The following MARCHF7 variants were observed in gnomAD, a reference collection of about 807,000 sequenced individuals.
MARCHF7 encodes the protein E3 ubiquitin-protein ligase MARCHF7.
In MARCHF7, 20 loss-of-function variants were observed where a neutral mutation model predicts 76.5. That is an observed-to-expected ratio of 0.26 (90% CI 0.18 to 0.38). The LOEUF (loss-of-function observed/expected upper bound fraction) is 0.38, where lower values mean the gene tolerates loss of function less well. Among genes scored for constraint, MARCHF7 ranks in the 10% least tolerant of loss-of-function variants. The pLI, the probability that MARCHF7 is intolerant of heterozygous loss-of-function variation, is 1.00. For missense variants in MARCHF7, 797 were observed against 812.9 expected, an observed-to-expected ratio of 0.98 and a Z score of 0.24; for synonymous variants, 295 against 293.0, an observed-to-expected ratio of 1.01 and a Z score of -0.07.
chr2:159,714,690 T>C (rs1325931533), intron 2 of MARCHF7, 92 bp downstream of exon 2: 2 of 152,512 alleles, frequency 1.3e-5, no homozygotes, highest in Non-Finnish European at 2.9e-5. Context: ...CCCGTCACTT[T>C]GGGAGGCCAA....
Position 159,745,869 on chromosome 2 carries a change from G to C in MARCHF7, c.446G>C (p.Arg149Thr). 1 of 1,612,678 alleles carries C rather than the reference G, an allele frequency of 6.2e-7. No homozygotes were observed. Among genetic ancestry groups the C allele is most frequent in the South Asian group, 1.1e-5 (1 of 90,992 alleles). The part of the protein sequence containing the change: ...LMRERRDLER[R>T]TDSSISNLMD... ...AGAGAGAGGAGAGATTTGGAGAGAA[G>C]AACAGATTCCTCTATTAGTAATCTT... The change falls in exon 6 of 12, where the codon AGA (arginine) becomes ACA (threonine). Residue 149 changes from arginine (R) to threonine (T), a missense_variant. By Grantham distance (71) the Arg-to-Thr change is moderately conservative (BLOSUM62 -1). Coordinates refer to ENST00000409175, the MANE Select transcript of MARCHF7 (RefSeq NM_001282805.2).
At chr2:159,720,033 C>G (rs1053994714) in intron 3 of MARCHF7, among the ~76,000 whole-genome samples, 6 of 152,246 alleles carry the variant, frequency 3.9e-5, no homozygotes, top group Non-Finnish European at 7.4e-5. Context: ...CGCCCTCCCC[C>G]CTCCAGCCCC....
chr2:159,731,711 G>A (rs999697650), intron 4 of MARCHF7, among the ~76,000 whole-genome samples: 16 of 151,556 alleles, frequency 1.1e-4, no homozygotes, highest in East Asian at 3.9e-4. Flanking sequence ...CCAAGATCGC[G>A]CCATTGCACT....
At chr2:159,736,021 G>A (rs529558414) in intron 4 of MARCHF7, among the ~76,000 whole-genome samples, 1 of 152,262 alleles carries the variant, frequency 6.6e-6, no homozygotes, top group East Asian at 1.9e-4. Flanking sequence ...TAACTTTTTG[G>A]GAGGCTGAGG....
intron 4 of MARCHF7, among the ~76,000 whole-genome samples, chr2:159,741,724 G>A (rs1704148448): frequency 6.6e-6 from 1 of 152,046 alleles, no homozygotes. Context: ...AAAGAATTTG[G>A]TTTCATTTTA....
At chr2:159,743,562 G>A (rs1249892700) in intron 5 of MARCHF7, among the ~76,000 whole-genome samples, 1 of 152,128 alleles carries the variant, frequency 6.6e-6, no homozygotes, top group Non-Finnish European at 1.5e-5. Flanking sequence ...TTGTTACAAG[G>A]AAAGCTAAAT....
intron 3 of MARCHF7, among the ~76,000 whole-genome samples, chr2:159,721,224 G>C (rs1268186009): frequency 6.6e-6 from 1 of 152,054 alleles, no homozygotes; most frequent in Non-Finnish European, 1.5e-5. Flanking sequence ...ATTGTGAGGA[G>C]GTGGCCTGTT....
intron 4 of MARCHF7, 103 bp from the exon 5 acceptor site, chr2:159,742,957 TG>T: frequency 2.0e-6 from 2 of 1,011,830 alleles, no homozygotes; most frequent in Non-Finnish European, 2.9e-6. Context: ...AAGAACTACG[TG>T]GTAGAAAAAT....
rs1705147429 is a variant in MARCHF7, at chr2:159,748,273, G to A, written c.983G>A (p.Ser328Asn). ...ATCTTGACAGCTTCACAGTCCCGTA[G>A]TAATGTACCATCAGCTTCTGAAGTT... ...PRILTASQSR[S>N]NVPSASEVPD... Residue 328 changes from serine to asparagine, a missense_variant, in exon 7 of 12, where the codon AGT becomes AAT. Physicochemically the swap from Ser to Asn is conservative, Grantham distance 46. Coordinates refer to ENST00000409175, the MANE Select transcript of MARCHF7 (RefSeq NM_001282805.2). 6.2e-7 allele frequency: 1 copy of A among 1,613,648 alleles called. No homozygotes were observed. The highest frequency in any genetic ancestry group is 1.1e-5 in the South Asian group (1 of 91,044).
chr2:159,756,709 AAAAAAC>A (rs1157758459), intron 8 of MARCHF7, among the ~76,000 whole-genome samples: 4 of 140,008 alleles, frequency 2.9e-5, no homozygotes, highest in African/African-American at 1.3e-4. Context: ...AAAAAAAAAA[AAAAAAC>A]AGATGATTCA....
Position 159,748,368 on chromosome 2 carries a change from CTT to C in MARCHF7, c.1079_1080del (p.Leu360GlnfsTer5). ...TAGGCGAAGATGGGGTTTGTCATCT[CTT>C]AGCCACAATCATAGCTCTGAGTCAG... is the stretch of plus-strand genomic sequence containing the variant. Reference protein sequence around the residue: ...FLRRRWGLSSLSHNHSSESDS... With the variant: ...FLRRRWGLSSXSHNHSSESDS... On this transcript the variant is annotated frameshift_variant, in exon 7 of 12. Transcript: ENST00000409175. LOFTEE classifies it high-confidence loss of function. 2 of 1,613,866 alleles carry C rather than the reference CTT, an allele frequency of 1.2e-6. No homozygotes were observed. Among genetic ancestry groups the C allele is most frequent in the Non-Finnish European group, 1.7e-6 (2 of 1,180,028 alleles).
chr2:159,747,964 A>T lies in MARCHF7; in HGVS notation c.674A>T (p.Asn225Ile), dbSNP rs1321457330. Residue 225 changes from asparagine to isoleucine, a missense_variant, in exon 7 of 12, where the codon AAT becomes ATT. By Grantham distance (149) the Asn-to-Ile change is moderately radical. Around this residue, in one of 3 missense-constraint regions of MARCHF7, gnomAD observed 643 missense variants for 631.5 expected, o/e 1.02. Transcript: ENST00000409175. ...GACTCCAGAAATTCTTTAAGATCAAATTTTTCTTCAAGAGAATCAGAATCT... is the reference window on the plus strand; with the variant it reads ...GACTCCAGAAATTCTTTAAGATCAATTTTTTCTTCAAGAGAATCAGAATCT... ...SRDSRNSLRS[N>I]FSSRESESSR... The T allele has an allele frequency of 6.2e-7, 1 of 1,614,028 alleles. No homozygotes were observed. The highest frequency in any genetic ancestry group is 1.7e-5 in the Admixed American group (1 of 59,990).
chr2:159,755,215 T>C (rs561684968), intron 8 of MARCHF7, among the ~76,000 whole-genome samples: 9 of 152,268 alleles, frequency 5.9e-5, no homozygotes, highest in African/African-American at 2.2e-4. Context: ...AAATAAGAAT[T>C]GGTACACAGG....
intron 2 of MARCHF7, among the ~76,000 whole-genome samples, chr2:159,715,430 G>T (rs772809580): frequency 1.4e-4 from 22 of 152,032 alleles, no homozygotes; most frequent in Admixed American, 1.2e-3. Context: ...TGCTGCAGCC[G>T]CAGTCTCCCA....
chr2:159,741,341 A>T (rs1245985346), intron 4 of MARCHF7, among the ~76,000 whole-genome samples: 1 of 152,160 alleles, frequency 6.6e-6, no homozygotes, highest in Non-Finnish European at 1.5e-5. Context: ...ACAGAGTGAG[A>T]TGCTGTCTCA....
intron 3 of MARCHF7, among the ~76,000 whole-genome samples, chr2:159,718,615 G>A (rs555729419): frequency 2.6e-5 from 4 of 152,238 alleles, no homozygotes; most frequent in Admixed American, 2.6e-4. Context: ...CTGCTTTTAG[G>A]AGTTCACAGC....
At chr2:159,748,986 T>C (rs1574371809) in intron 7 of MARCHF7, 83 bp downstream of exon 7, 32 of 1,280,354 alleles carry the variant, frequency 2.5e-5, no homozygotes, top group East Asian at 5.3e-5. Flanking sequence ...TTCTTTTTTT[T>C]TTTTTTTTTT....
chr2:159,762,199 T>C (rs966683422), intron 9 of MARCHF7, among the ~76,000 whole-genome samples: 1 of 152,238 alleles, frequency 6.6e-6, no homozygotes, highest in Non-Finnish European at 1.5e-5. Context: ...ATTTGTCCTT[T>C]TTTCTTTAAA....
At chr2:159,759,416 C>A in intron 9 of MARCHF7, 81 bp downstream of exon 9, 1 of 619,364 alleles carries the variant, frequency 1.6e-6, no homozygotes, top group Non-Finnish European at 2.8e-6. Context: ...AAATCATGGT[C>A]AGAAACCTTG....
Sources: gnomAD v4.1 joint callset for allele counts (sites outside exome capture counted in the v4.1 genomes callset) on GRCh38, gnomAD v4.1.1 for gene constraint, gnomAD v4.1.1 regional missense constraint, MANE v1.5 for transcripts, NCBI Gene and HGNC (gene_info 2026-07-23, HGNC 2026-07-21) for gene names.